Variants in MICU1 observed in about 807,000 individuals in gnomAD.
MICU1 encodes mitochondrial calcium uptake 1.
MICU1 carries 45 observed loss-of-function variants against 56.8 expected under a neutral mutation model. That is an observed-to-expected ratio of 0.79 (90% CI 0.62 to 1.02). The LOEUF (loss-of-function observed/expected upper bound fraction) is 1.02. Among genes scored for constraint, MICU1 ranks in the 50% least tolerant of loss-of-function variants. MICU1 has a pLI of 0.00. For synonymous variants in MICU1, 186 were observed against 195.1 expected, an observed-to-expected ratio of 0.95 and a Z score of 0.39; for missense variants, 504 against 587.1, an observed-to-expected ratio of 0.86 and a Z score of 1.46.
chr10:72,521,626 G>A (rs1222260386), intron 5 of MICU1, among the ~76,000 whole-genome samples: 1 of 152,026 alleles, frequency 6.6e-6, no homozygotes, highest in Non-Finnish European at 1.5e-5. Context: ...AGCCAAAGGT[G>A]ACAATACTAT....
chr10:72,573,444 A>T (rs915114886), intron 1 of MICU1, among the ~76,000 whole-genome samples: 1 of 152,056 alleles, frequency 6.6e-6, no homozygotes, highest in African/African-American at 2.4e-5. Flanking sequence ...CACAAAAAGT[A>T]ATAGTAGTGG....
intron 8 of MICU1, among the ~76,000 whole-genome samples, chr10:72,456,392 CA>C (rs1463330120): frequency 1.3e-5 from 2 of 152,152 alleles, no homozygotes; most frequent in African/African-American, 4.8e-5. Context: ...GATGGAATGC[CA>C]CTTCTAAGAT....
At chr10:72,481,258 T>G (rs1481268245) in intron 6 of MICU1, among the ~76,000 whole-genome samples, 1 of 152,244 alleles carries the variant, frequency 6.6e-6, no homozygotes, top group Admixed American at 6.5e-5. Context: ...GCGATTCTCT[T>G]GTAAACTTAT....
At chr10:72,544,072 G>A (rs536236917) in intron 4 of MICU1, among the ~76,000 whole-genome samples, 3 of 152,212 alleles carry the variant, frequency 2.0e-5, no homozygotes, top group Non-Finnish European at 4.4e-5. Context: ...GTTATCTATA[G>A]ATTCCAGGCA....
intron 5 of MICU1, chr10:72,533,152 G>A (rs554367738): frequency 2.9e-5 from 38 of 1,289,332 alleles, no homozygotes; most frequent in Non-Finnish European, 3.4e-5. Context: ...TTTCTTTTTG[G>A]AGAATCTGGC....
Position 72,533,779 on chromosome 10 carries a change from C to G in MICU1, c.504G>C (p.Leu168=). ...CAAAGCGTTTTATTATATATTGATC[C>G]AGACCCAAGTCTGTAAAAGAAAAGG... is the stretch of plus-strand genomic sequence containing the variant. ...PNEKQPEHLG[L]DQYIIKRFDG... The change falls in exon 5 of 12, where the codon CTG becomes CTC. Residue 168 remains leucine, a synonymous_variant. Transcript: ENST00000361114. The G allele has an allele frequency of 1.9e-6, 3 of 1,597,478 alleles. No individual in the cohort carries two copies. The highest frequency in any genetic ancestry group is 2.6e-6 in the Non-Finnish European group (3 of 1,170,946).
At chr10:72,492,078 T>A (rs1007133800) in intron 6 of MICU1, among the ~76,000 whole-genome samples, 1 of 152,178 alleles carries the variant, frequency 6.6e-6, no homozygotes, top group Non-Finnish European at 1.5e-5. Flanking sequence ...AACAGCATAG[T>A]AAATTCTAGT....
intron 9 of MICU1, among the ~76,000 whole-genome samples, chr10:72,415,169 C>A (rs1863945442): frequency 6.6e-6 from 1 of 152,036 alleles, no homozygotes; most frequent in Admixed American, 6.6e-5. Context: ...ACACCTGTCA[C>A]CATGGCCAGC....
intron 1 of MICU1, among the ~76,000 whole-genome samples, chr10:72,577,422 T>C (rs1289243428): frequency 6.6e-6 from 1 of 151,796 alleles, no homozygotes; most frequent in Non-Finnish European, 1.5e-5. Context: ...GGCAGGAGAA[T>C]TGCTTGAACC....
intron 10 of MICU1, 53 bp downstream of exon 10, chr10:72,407,876 A>T (rs1290002568): frequency 5.1e-5 from 61 of 1,203,130 alleles, no homozygotes; most frequent in Non-Finnish European, 6.1e-5. Context: ...CACCTAAGAG[A>T]TTACAGATCC....
chr10:72,425,499 G>A (rs1366669622), intron 8 of MICU1, among the ~76,000 whole-genome samples: 1 of 152,204 alleles, frequency 6.6e-6, no homozygotes, highest in Non-Finnish European at 1.5e-5. Flanking sequence ...TCCAAGATTA[G>A]CATTTTTACT....
At chr10:72,579,491 A>C (rs538813690) in intron 1 of MICU1, among the ~76,000 whole-genome samples, 1 of 152,168 alleles carries the variant, frequency 6.6e-6, no homozygotes, top group Non-Finnish European at 1.5e-5. Context: ...AAGCAACCCT[A>C]ATCCACAAAT....
At chr10:72,455,123 G>A (rs1026668923) in intron 8 of MICU1, among the ~76,000 whole-genome samples, 3 of 152,010 alleles carry the variant, frequency 2.0e-5, no homozygotes, top group Non-Finnish European at 4.4e-5. Flanking sequence ...GCCGAGGTAG[G>A]TGGATCACCT....
chr10:72,443,719 A>G (rs2132190101), intron 8 of MICU1, among the ~76,000 whole-genome samples: 1 of 152,280 alleles, frequency 6.6e-6, no homozygotes, highest in Non-Finnish European at 1.5e-5. Context: ...AAGTCAGGAA[A>G]CAACAGGTGC....
At chr10:72,392,339 G>A (rs1009313199) in intron 10 of MICU1, among the ~76,000 whole-genome samples, 1 of 152,152 alleles carries the variant, frequency 6.6e-6, no homozygotes, top group African/African-American at 2.4e-5. Context: ...GGGAAGCTGA[G>A]GTGGGCGATC....
At chr10:72,414,709 CAAA>C (rs1046945414) in intron 9 of MICU1, among the ~76,000 whole-genome samples, 1 of 151,958 alleles carries the variant, frequency 6.6e-6, no homozygotes, top group Non-Finnish European at 1.5e-5. Flanking sequence ...AATTATACCT[CAAA>C]AAAAGTTGTT....
intron 3 of MICU1, among the ~76,000 whole-genome samples, chr10:72,558,514 C>T (rs546373059): frequency 7.9e-5 from 12 of 152,238 alleles, no homozygotes; most frequent in African/African-American, 2.4e-4. Context: ...GAAGAAGCTA[C>T]GGCAGGGCTT....
chr10:72,436,776 C>T (rs1342025245), intron 8 of MICU1, among the ~76,000 whole-genome samples: 2 of 152,098 alleles, frequency 1.3e-5, no homozygotes, highest in Non-Finnish European at 2.9e-5. Flanking sequence ...GCACAAGCTT[C>T]AGCAGCCGAT....
intron 8 of MICU1, among the ~76,000 whole-genome samples, chr10:72,432,237 G>A (rs1864559537): frequency 6.6e-6 from 1 of 152,024 alleles, no homozygotes. Flanking sequence ...AGGACTACAG[G>A]CGTGTGCCAC....
Sources: gnomAD v4.1 joint callset for allele counts (sites outside exome capture counted in the v4.1 genomes callset) on GRCh38, gnomAD v4.1.1 for gene constraint, MANE v1.5 for transcripts, NCBI Gene and HGNC (gene_info 2026-07-23, HGNC 2026-07-21) for gene names.